LRRFIP2: variants seen among roughly 807,000 people sequenced by gnomAD.
LRRFIP2 encodes the protein leucine-rich repeat flightless-interacting protein 2.
In LRRFIP2, 109 loss-of-function variants were observed where a neutral mutation model predicts 125.9. The observed-to-expected ratio is 0.87, with a 90% CI of 0.74 to 1.01. The LOEUF (loss-of-function observed/expected upper bound fraction) is 1.01, where lower values mean the gene tolerates loss of function less well. LRRFIP2 is among the 50% of genes least tolerant of loss of function. LRRFIP2 has a pLI of 0.00. For synonymous variants in LRRFIP2, 291 were observed against 293.1 expected, an observed-to-expected ratio of 0.99 and a Z score of 0.07; for missense variants, 850 against 862.3, an observed-to-expected ratio of 0.99 and a Z score of 0.18.
intron 9 of LRRFIP2, among the ~76,000 whole-genome samples, chr3:37,110,314 G>A (rs775014984): frequency 4.6e-5 from 7 of 152,156 alleles, no homozygotes; most frequent in Non-Finnish European, 1.0e-4. Context: ...ATTAAATCTT[G>A]CTTTTCCTGA....
chr3:37,069,369 T>C (rs1410102803), intron 21 of LRRFIP2, among the ~76,000 whole-genome samples: 4 of 152,174 alleles, frequency 2.6e-5, no homozygotes, highest in African/African-American at 4.8e-5. Flanking sequence ...GGTATATACA[T>C]ACAATGGAAT....
At chr3:37,109,271 A>T (rs1394146322) in intron 11 of LRRFIP2, among the ~76,000 whole-genome samples, 1 of 152,230 alleles carries the variant, frequency 6.6e-6, no homozygotes. Flanking sequence ...GTAGGACTCA[A>T]GCAAATCTAT....
Position 37,065,939 on chromosome 3 carries a change from G to A in LRRFIP2, c.1570C>T (p.His524Tyr). The A allele has an allele frequency of 6.2e-7, 1 of 1,614,138 alleles. No individual in the cohort carries two copies. The highest frequency in any genetic ancestry group is 8.5e-7 in the Non-Finnish European group (1 of 1,180,002). The change falls in exon 23 of 28, where the codon CAT becomes TAT. Residue 524 changes from histidine to tyrosine, a missense_variant. His to Tyr is a moderately conservative substitution (Grantham distance 83). Coordinates refer to ENST00000336686, the MANE Select transcript of LRRFIP2 (RefSeq NM_006309.4). ...CCATCGGGGATTATAACTAAGCCAT[G>A]TTTCTGCAGGGGGGAAAAACCCACC... ...LQETVKTGEK[H>Y]GLVIIPDGTP...
chr3:37,132,131 T>C (rs981009828), intron 2 of LRRFIP2, among the ~76,000 whole-genome samples: 2 of 152,160 alleles, frequency 1.3e-5, no homozygotes, highest in African/African-American at 4.8e-5. Flanking sequence ...TAGTTTCTTA[T>C]TAGAGTTTTT....
rs59982718 is a variant in LRRFIP2, at chr3:37,126,868, A to AAAAAAG, written c.228+761_228+762insCTTTTT. On this transcript the variant is annotated intron_variant, in intron 4 of 27. Coordinates refer to ENST00000336686, the MANE Select transcript of LRRFIP2 (RefSeq NM_006309.4). ...GCGCGAAACTCCATCTCAAAAAAAAAAAAGAAAGAAAGAAAGAAAGAAAGT... is the reference window on the plus strand; with the variant it reads ...GCGCGAAACTCCATCTCAAAAAAAAAAAAAAGAAAGAAAGAAAGAAAGAAAGAAAGT... Among the ~76,000 whole-genome samples the AAAAAAG allele has an allele frequency of 2.3e-4, 34 of 147,310 alleles. 1 individual carries two copies. The highest frequency in any genetic ancestry group is 1.5e-3 in the South Asian group (7 of 4,728).
At chr3:37,112,177 A>G (rs2149445189) in intron 8 of LRRFIP2, among the ~76,000 whole-genome samples, 1 of 152,170 alleles carries the variant, frequency 6.6e-6, no homozygotes, top group African/African-American at 2.4e-5. Flanking sequence ...TCTCTACAAA[A>G]ATACAAAAAT....
At chr3:37,124,696 T>G (rs1188342348) in intron 4 of LRRFIP2, among the ~76,000 whole-genome samples, 1 of 152,098 alleles carries the variant, frequency 6.6e-6, no homozygotes, top group Non-Finnish European at 1.5e-5. Flanking sequence ...AACTGAACTG[T>G]AAAGATAACA....
chr3:37,126,029 T>C (rs763002984), intron 4 of LRRFIP2, among the ~76,000 whole-genome samples: 1 of 148,786 alleles, frequency 6.7e-6, no homozygotes, highest in Non-Finnish European at 1.5e-5. Context: ...GTTGTTGTTG[T>C]TGTTTGTTTG....
chr3:37,054,517 T>C lies in LRRFIP2; in HGVS notation c.1951-2A>G. 1 of 1,610,052 alleles carries C rather than the reference T, an allele frequency of 6.2e-7. No homozygotes were observed. The highest frequency in any genetic ancestry group is 8.5e-7 in the Non-Finnish European group (1 of 1,176,776). ...AACCTGTCCCTCAAGCCGGCTAATC[T>C]GTAAGTATGAGAACATAGGCCTCTA... On this transcript the variant is annotated splice_acceptor_variant, in intron 26 of 27. Coordinates refer to ENST00000336686, the MANE Select transcript of LRRFIP2 (RefSeq NM_006309.4). LOFTEE classifies it high-confidence loss of function.
intron 2 of LRRFIP2, among the ~76,000 whole-genome samples, chr3:37,139,711 T>C (rs1488507612): frequency 6.6e-6 from 1 of 152,134 alleles, no homozygotes; most frequent in Non-Finnish European, 1.5e-5. Context: ...TTGTCCCAAC[T>C]ATCTGATCTC....
chr3:37,084,954 CA>C (rs1559768129), intron 18 of LRRFIP2, among the ~76,000 whole-genome samples: 1 of 151,996 alleles, frequency 6.6e-6, no homozygotes, highest in Non-Finnish European at 1.5e-5. Flanking sequence ...ACTAACAGCC[CA>C]GAACTTACAT....
intron 2 of LRRFIP2, among the ~76,000 whole-genome samples, chr3:37,141,531 C>CT (rs1466355962): frequency 1.8e-4 from 28 of 151,956 alleles, no homozygotes; most frequent in Non-Finnish European, 2.2e-4. Context: ...CATATTAAAC[C>CT]TTTTTTTTGA....
chr3:37,148,998 A>G lies in LRRFIP2; in HGVS notation c.-15T>C. On this transcript the variant is annotated 5_prime_UTR_variant, in exon 2 of 28. Transcript: ENST00000336686. ...GGAGTCCCCATCTTGTGTTCTTAAT[A>G]GTCTTTTAACTTTGAAAGTGATTTA... 6.2e-7 allele frequency: 1 copy of G among 1,613,552 alleles called. No individual in the cohort carries two copies. The highest frequency in any genetic ancestry group is 1.7e-5 in the Admixed American group (1 of 59,904).
intron 6 of LRRFIP2, among the ~76,000 whole-genome samples, chr3:37,120,106 T>TA (rs952050269): frequency 2.2e-5 from 3 of 135,482 alleles, no homozygotes; most frequent in African/African-American, 8.6e-5. Flanking sequence ...GTTAATATTC[T>TA]TTTTTTTTTT....
At chr3:37,056,016 C>T (rs2086749225) in intron 25 of LRRFIP2, among the ~76,000 whole-genome samples, 1 of 152,132 alleles carries the variant, frequency 6.6e-6, no homozygotes, top group Admixed American at 6.5e-5. Context: ...ATTTTTATGA[C>T]ATTTGTCATG....
intron 1 of LRRFIP2, chr3:37,172,854 A>T (rs1479658462): frequency 6.6e-6 from 1 of 152,206 alleles, no homozygotes; most frequent in Non-Finnish European, 1.5e-5. Context: ...CAAAAAGTTC[A>T]CAAGGCAAGT....
intron 15 of LRRFIP2, among the ~76,000 whole-genome samples, chr3:37,100,779 G>A (rs189671144): frequency 3.3e-5 from 5 of 152,198 alleles, no homozygotes; most frequent in African/African-American, 7.2e-5. Context: ...GGGGAAAAAC[G>A]GGGATTGCTA....
chr3:37,165,375 CA>C, intron 1 of LRRFIP2, among the ~76,000 whole-genome samples: 1 of 142,810 alleles, frequency 7.0e-6, no homozygotes, highest in Non-Finnish European at 1.5e-5. Context: ...CCACCCACCC[CA>C]CCCCCGTCCA....
At chr3:37,108,809 A>C (rs1196014229) in intron 11 of LRRFIP2, 125 bp from the exon 12 acceptor site, 1 of 655,172 alleles carries the variant, frequency 1.5e-6, no homozygotes, top group Admixed American at 2.8e-5. Flanking sequence ...ATAGCCTCCC[A>C]GAATGAAAAC....
Sources: gnomAD v4.1 joint callset for allele counts (sites outside exome capture counted in the v4.1 genomes callset) on GRCh38, gnomAD v4.1.1 for gene constraint, MANE v1.5 for transcripts, NCBI Gene and HGNC (gene_info 2026-07-23, HGNC 2026-07-21) for gene names.